PDE1A: variants seen among roughly 807,000 people sequenced by gnomAD.
PDE1A encodes the protein phosphodiesterase 1A, also known as dual specificity calcium/calmodulin-dependent 3',5'-cyclic nucleotide phosphodiesterase 1A.
A neutral mutation model predicts 61.7 loss-of-function variants in PDE1A; 35 were observed. That is an observed-to-expected ratio of 0.57 (90% CI 0.43 to 0.75). The LOEUF (loss-of-function observed/expected upper bound fraction) is 0.75, where lower values mean the gene tolerates loss of function less well. Ranked by LOEUF, PDE1A falls within the 30% of genes least tolerant of loss-of-function variation. The pLI, the probability that PDE1A is intolerant of heterozygous loss-of-function variation, is 0.00. For missense variants in PDE1A, 597 were observed against 630.6 expected (o/e 0.95, Z 0.57); for synonymous variants, 232 against 213.2 (o/e 1.09, Z -0.77).
At chr2:182,364,466 TAAAAAAAAAAAAAAAAAAAA>T (rs201821721) in intron 1 of PDE1A, among the ~76,000 whole-genome samples, 1 of 35,840 alleles carries the variant, frequency 2.8e-5, no homozygotes, top group Non-Finnish European at 5.1e-5. Context: ...AACACTTTGG[TAAAAAAAAAAAAAAAAAAAA>T]AAAAAAAAAA....
chr2:182,687,011 T>C, the PDE1A span, among the ~76,000 whole-genome samples: 1 of 151,994 alleles, frequency 6.6e-6, no homozygotes. Flanking sequence ...GAGGCTTGAG[T>C]AGGTAAACAA....
At chr2:182,479,540 C>G (rs1687575953) in intron 2 of PDE1A, among the ~76,000 whole-genome samples, 1 of 147,772 alleles carries the variant, frequency 6.8e-6, no homozygotes, top group Non-Finnish European at 1.5e-5. Flanking sequence ...GGAAGGAAGA[C>G]AGGCAGGAAG....
intron 1 of PDE1A, among the ~76,000 whole-genome samples, chr2:182,313,290 C>T (rs6728235): frequency 0.017 from 2,566 of 151,962 alleles, 60 homozygotes; most frequent in African/African-American, 0.058. Flanking sequence ...GGTGGGCACC[C>T]GTAATCCCAG....
chr2:182,180,866 C>T (rs1013241236), intron 13 of PDE1A, among the ~76,000 whole-genome samples: 1 of 151,476 alleles, frequency 6.6e-6, no homozygotes, highest in Admixed American at 6.6e-5. Flanking sequence ...CTTTCTTCTG[C>T]TTGATTTATT....
Position 182,231,203 on chromosome 2 carries a change from A to T in PDE1A, c.418-72T>A, listed in dbSNP as rs1222532175. The T allele has an allele frequency of 2.7e-5, 22 of 809,314 alleles. 1 individual carries two copies. The highest frequency in any genetic ancestry group is 2.2e-4 in the South Asian group (14 of 63,388). The allele number at this position is 809,314 out of a possible 1,614,324, so 50.1% of individuals were successfully genotyped here. ...TCTACGAGAATTTATTCAAAAGATA[A>T]GGCATTGTACATTTAGCAGGTCATC... On this transcript the variant is annotated intron_variant, in intron 4 of 13. Transcript: ENST00000351439.
intron 2 of PDE1A, among the ~76,000 whole-genome samples, chr2:182,515,230 T>G (rs995382753): frequency 3.3e-5 from 5 of 152,254 alleles, no homozygotes; most frequent in Admixed American, 6.5e-5. Context: ...CACTTCTTAC[T>G]GCATATTAAC....
intron 10 of PDE1A, among the ~76,000 whole-genome samples, chr2:182,200,750 G>A: frequency 6.6e-6 from 1 of 152,216 alleles, no homozygotes; most frequent in East Asian, 1.9e-4. Context: ...GTGTCCCACA[G>A]CCCCATTTGC....
chr2:182,191,358 G>A (rs1309873727), intron 10 of PDE1A, among the ~76,000 whole-genome samples: 2 of 151,982 alleles, frequency 1.3e-5, no homozygotes, highest in African/African-American at 4.8e-5. Context: ...AGGATAAGGT[G>A]CAAGAATAAT....
At chr2:182,472,191 C>A (rs372490737) in intron 2 of PDE1A, among the ~76,000 whole-genome samples, 101 of 151,980 alleles carry the variant, frequency 6.6e-4, no homozygotes, top group African/African-American at 2.2e-3. Flanking sequence ...TATGATTCAG[C>A]AGTCTCACTA....
At chr2:182,226,989 T>C (rs916748158) in intron 6 of PDE1A, among the ~76,000 whole-genome samples, 2 of 152,008 alleles carry the variant, frequency 1.3e-5, no homozygotes, top group African/African-American at 2.4e-5. Context: ...TAGGTAAATA[T>C]TTTTATGCCT....
At chr2:182,486,627 A>G (rs983368444) in intron 2 of PDE1A, among the ~76,000 whole-genome samples, 4 of 152,134 alleles carry the variant, frequency 2.6e-5, no homozygotes, top group Non-Finnish European at 5.9e-5. Context: ...GAAAGACCAG[A>G]AATAAATCCT....
At chr2:182,566,140 C>G in the PDE1A span, among the ~76,000 whole-genome samples, 1 of 152,026 alleles carries the variant, frequency 6.6e-6, no homozygotes, top group Non-Finnish European at 1.5e-5. Context: ...CTTGTTTTCA[C>G]ATAGGCCATT....
At chr2:182,177,317 G>A (rs906671586) in intron 13 of PDE1A, among the ~76,000 whole-genome samples, 2 of 151,872 alleles carry the variant, frequency 1.3e-5, no homozygotes, top group African/African-American at 4.8e-5. Flanking sequence ...ATCTGGTCCT[G>A]GACTCTTTTT....
At chr2:182,520,390 A>G in intron 2 of PDE1A, among the ~76,000 whole-genome samples, 1 of 152,056 alleles carries the variant, frequency 6.6e-6, no homozygotes, top group Middle Eastern at 3.4e-3. Flanking sequence ...AATGATTTTT[A>G]AAAGAAAGAA....
intron 1 of PDE1A, among the ~76,000 whole-genome samples, chr2:182,367,311 G>T (rs559768825): frequency 1.3e-5 from 2 of 152,088 alleles, no homozygotes; most frequent in East Asian, 1.9e-4. Context: ...ACTAGAATCA[G>T]ATGTAAAAAT....
At chr2:182,701,473 C>T in the PDE1A span, among the ~76,000 whole-genome samples, 2 of 148,010 alleles carry the variant, frequency 1.4e-5, no homozygotes, top group Non-Finnish European at 3.0e-5. Context: ...TTGCACCTCC[C>T]GGGTTCAAGT....
chr2:182,264,273 G>A, intron 2 of PDE1A, 28 bp downstream of exon 2: 1 of 1,437,310 alleles, frequency 7.0e-7, no homozygotes, highest in Non-Finnish European at 9.7e-7. Context: ...AATCAAAGAA[G>A]ATAAAAGAGA....
At chr2:182,385,231 T>C (rs760642394) in intron 1 of PDE1A, among the ~76,000 whole-genome samples, 4 of 152,168 alleles carry the variant, frequency 2.6e-5, no homozygotes, top group Non-Finnish European at 5.9e-5. Context: ...AAAGTACAAA[T>C]CTCACTGCTA....
chr2:182,389,135 C>A (rs1423401275), intron 1 of PDE1A, among the ~76,000 whole-genome samples: 2 of 152,078 alleles, frequency 1.3e-5, no homozygotes, highest in Non-Finnish European at 2.9e-5. Flanking sequence ...ATGATACCAA[C>A]CATTAAGTCC....
Sources: allele counts gnomAD v4.1 joint callset (sites outside exome capture counted in the v4.1 genomes callset), GRCh38; gene constraint gnomAD v4.1.1; transcripts MANE v1.5; gene names NCBI Gene and HGNC (gene_info 2026-07-23, HGNC 2026-07-21).